Variants in CCDC141 observed in about 807,000 individuals in gnomAD.
The protein encoded by CCDC141 is coiled-coil domain-containing protein 141.
CCDC141 carries 168 observed loss-of-function variants against 181.0 expected under a neutral mutation model. That is an observed-to-expected ratio of 0.93 (90% CI 0.82 to 1.05). The LOEUF is 1.05. Ranked by LOEUF, CCDC141 falls within the 50% of genes least tolerant of loss-of-function variation. The pLI, the probability that CCDC141 is intolerant of heterozygous loss-of-function variation, is 0.00. For missense variants in CCDC141, 1,902 were observed against 1,788.5 expected (o/e 1.06, Z -1.14); for synonymous variants, 666 against 642.3 (o/e 1.04, Z -0.56).
intron 2 of CCDC141, among the ~76,000 whole-genome samples, chr2:178,998,341 T>C (rs1692381906): frequency 1.3e-5 from 2 of 152,222 alleles, no homozygotes; most frequent in Admixed American, 1.3e-4. Flanking sequence ...TATTAATGAA[T>C]GTATTCACTC....
intron 11 of CCDC141, among the ~76,000 whole-genome samples, chr2:178,880,455 C>T (rs368353962): frequency 1.5e-4 from 23 of 151,950 alleles, no homozygotes; most frequent in African/African-American, 4.6e-4. Context: ...CAGAAGATGA[C>T]GTCATTAAGC....
chr2:178,937,528 A>C (rs1689339465), intron 6 of CCDC141, among the ~76,000 whole-genome samples: 1 of 152,070 alleles, frequency 6.6e-6, no homozygotes. Context: ...ATCAATATTC[A>C]TCAAGGATAT....
Position 178,853,529 on chromosome 2 carries a change from G to C in CCDC141, c.3156C>G (p.His1052Gln). 6.2e-7 allele frequency: 1 copy of C among 1,614,020 alleles called. No homozygotes were observed. The highest frequency in any genetic ancestry group is 8.5e-7 in the Non-Finnish European group (1 of 1,179,936). Reference sequence around the variant, plus strand: ...GTGCAATAAACTTATTAAACTGCTGGTGGAGAATTTTCACAGCTTCCTTTG... The same window carrying C: ...GTGCAATAAACTTATTAAACTGCTGCTGGAGAATTTTCACAGCTTCCTTTG... ...CKTKEAVKIL[H>Q]QQFNKFIAPS... Residue 1052 changes from histidine (H) to glutamine (Q), a missense_variant, in exon 20 of 24, where the codon CAC becomes CAG. Physicochemically the swap from His to Gln is conservative, Grantham distance 24. Transcript: ENST00000443758.
intron 5 of CCDC141, among the ~76,000 whole-genome samples, chr2:178,948,118 C>G (rs1689806079): frequency 2.0e-5 from 3 of 151,952 alleles, no homozygotes; most frequent in Admixed American, 1.3e-4. Context: ...GGAAGATCAC[C>G]TGAACCTGCA....
intron 2 of CCDC141, among the ~76,000 whole-genome samples, chr2:179,014,244 A>G (rs1009924157): frequency 3.3e-5 from 5 of 152,112 alleles, no homozygotes; most frequent in Non-Finnish European, 5.9e-5. Flanking sequence ...CTGGATCCTC[A>G]TCTCTCACCT....
At chr2:178,884,828 A>G (rs900119812) in intron 11 of CCDC141, 73 bp downstream of exon 11, 1 of 1,243,670 alleles carries the variant, frequency 8.0e-7, no homozygotes, top group Admixed American at 2.1e-5. Flanking sequence ...AAGGCAGAGC[A>G]TATATCCCCA....
At chr2:178,843,048 T>A (rs1177404636) in intron 22 of CCDC141, among the ~76,000 whole-genome samples, 2 of 152,214 alleles carry the variant, frequency 1.3e-5, no homozygotes, top group East Asian at 3.9e-4. Context: ...CTGAATTCTT[T>A]GGTGCAAAAA....
At chr2:178,845,511 G>C in intron 22 of CCDC141, 115 bp downstream of exon 22, 1 of 661,118 alleles carries the variant, frequency 1.5e-6, no homozygotes, top group Non-Finnish European at 2.7e-6. Flanking sequence ...TTTACACTGG[G>C]AAATTCTATT....
At position 178,878,141 on chromosome 2, in the gene CCDC141, T is replaced by C; in HGVS notation, c.1722A>G (p.Val574=). The change falls in exon 12 of 24, where the codon GTA becomes GTG. Residue 574 remains valine, a splice_region_variant and synonymous_variant. Transcript: ENST00000443758. The part of the protein sequence containing the change: ...YVAFLKSSEE[V]EMQFQSLKEF... ...CTTTTAAGCTCTGAAACTGCATCTC[T>C]ACCTAAAAAAGAAAAAAGAGAGTTA... 3 of 1,587,580 alleles carry C rather than the reference T, an allele frequency of 1.9e-6. No individual in the cohort carries two copies. Among genetic ancestry groups the C allele is most frequent in the African/African-American group, 1.4e-5 (1 of 73,104 alleles).
chr2:179,017,942 A>G (rs375068517), intron 2 of CCDC141, among the ~76,000 whole-genome samples: 2 of 152,122 alleles, frequency 1.3e-5, no homozygotes, highest in Admixed American at 1.3e-4. Context: ...TTGCTTAGTC[A>G]TTAAACTAAG....
Position 178,837,725 on chromosome 2 carries a change from T to C in CCDC141, c.3494A>G (p.Asp1165Gly). 6.2e-7 allele frequency: 1 copy of C among 1,611,354 alleles called. No individual in the cohort carries two copies. Residue 1165 changes from aspartate to glycine, a missense_variant, in exon 23 of 24, where the codon GAT (aspartate) becomes GGT (glycine). Transcript: ENST00000443758. ...ERNKGQVQVA[D>G]LLGINGTGEE... ...CCCTGTTCCATTGATGCCCAAAAGA[T>C]CTGCCACCTGCACCTGCCCCTTGAA...
chr2:179,047,503 T>C (rs1243439971), intron 1 of CCDC141, 97 bp from the exon 2 acceptor site: 1 of 1,070,918 alleles, frequency 9.3e-7, no homozygotes, highest in East Asian at 2.9e-5. Context: ...TTTCCAGTTA[T>C]ACTGTAAACA....
At chr2:179,000,808 TC>T (rs2041947651) in intron 2 of CCDC141, among the ~76,000 whole-genome samples, 1 of 152,208 alleles carries the variant, frequency 6.6e-6, no homozygotes, top group Non-Finnish European at 1.5e-5. Flanking sequence ...TTAAGGATTA[TC>T]CACAAGGCTT....
At chr2:178,881,909 TCTCTCTCACACACACA>T (rs1303463355) in intron 11 of CCDC141, among the ~76,000 whole-genome samples, 1 of 107,156 alleles carries the variant, frequency 9.3e-6, no homozygotes, top group African/African-American at 3.7e-5. Context: ...TCTCTCTCTC[TCTCTCTCACACACACA>T]CACACACACA....
intron 22 of CCDC141, 63 bp downstream of exon 22, chr2:178,845,563 G>A (rs1185545328): frequency 1.1e-6 from 1 of 878,438 alleles, no homozygotes; most frequent in Admixed American, 1.8e-5. Flanking sequence ...ATTTTGCAAT[G>A]GACAATGACT....
intron 11 of CCDC141, among the ~76,000 whole-genome samples, chr2:178,883,081 G>A (rs1265345022): frequency 6.6e-6 from 1 of 152,180 alleles, no homozygotes; most frequent in African/African-American, 2.4e-5. Flanking sequence ...TAAGCCTCCT[G>A]GTCCAAAGGC....
chr2:179,003,482 G>T (rs892508529), intron 2 of CCDC141, among the ~76,000 whole-genome samples: 1 of 152,174 alleles, frequency 6.6e-6, no homozygotes, highest in East Asian at 1.9e-4. Context: ...ATTTTGTGAA[G>T]ATTAAATGAA....
In CCDC141 at chr2:178,869,324, T is replaced by TA. The variant is rs572491174; in HGVS notation, c.2206-20dup. ...TCAATTGCTAAAACATTGAAAGCAATAAAAAAATCTTGCTATTAAAGAACT... is the reference window on the plus strand; with the variant it reads ...TCAATTGCTAAAACATTGAAAGCAATAAAAAAAATCTTGCTATTAAAGAACT... On this transcript the variant is annotated intron_variant, in intron 14 of 23. Transcript: ENST00000443758. 46 of 1,558,326 alleles carry TA rather than the reference T, an allele frequency of 3.0e-5. No homozygotes were observed. In the East Asian group the frequency reaches 8.4e-4, roughly 29 times the overall value.
chr2:178,923,336 C>A, intron 6 of CCDC141, among the ~76,000 whole-genome samples: 1 of 152,000 alleles, frequency 6.6e-6, no homozygotes, highest in East Asian at 1.9e-4. Context: ...GATCTCCTGA[C>A]CTCGTGATCC....
Sources: allele counts gnomAD v4.1 joint callset (sites outside exome capture counted in the v4.1 genomes callset), GRCh38; gene constraint gnomAD v4.1.1; transcripts MANE v1.5; gene names NCBI Gene and HGNC (gene_info 2026-07-23, HGNC 2026-07-21).